PLCG2: variants seen among roughly 807,000 people sequenced by gnomAD.
PLCG2 encodes phospholipase C gamma 2, also known as 1-phosphatidylinositol 4,5-bisphosphate phosphodiesterase gamma-2.
In PLCG2, 69 loss-of-function variants were observed where a neutral mutation model predicts 175.6. That is an observed-to-expected ratio of 0.39 (90% CI 0.32 to 0.48). The LOEUF (loss-of-function observed/expected upper bound fraction) is 0.48. Among genes scored for constraint, PLCG2 ranks in the 20% least tolerant of loss-of-function variants. PLCG2 has a pLI of 0.91. For synonymous variants in PLCG2, 827 were observed against 624.0 expected, an observed-to-expected ratio of 1.33 and a Z score of -4.85; for missense variants, 1,798 against 1,650.9, an observed-to-expected ratio of 1.09 and a Z score of -1.54.
intron 20 of PLCG2, among the ~76,000 whole-genome samples, chr16:81,919,908 G>A (rs1909992685): frequency 6.6e-6 from 1 of 152,172 alleles, no homozygotes; most frequent in Non-Finnish European, 1.5e-5. Context: ...TGAGTGCTAT[G>A]GAGAAAAACA....
chr16:81,786,290 T>G, intron 2 of PLCG2, 108 bp downstream of exon 2: 1 of 886,064 alleles, frequency 1.1e-6, no homozygotes, highest in Non-Finnish European at 1.7e-6. Flanking sequence ...TGGTTTGATG[T>G]GTTCTTTTAT....
At chr16:81,933,397 C>G (rs930352386) in intron 25 of PLCG2, among the ~76,000 whole-genome samples, 1 of 152,178 alleles carries the variant, frequency 6.6e-6, no homozygotes, top group Non-Finnish European at 1.5e-5. Flanking sequence ...CTGCCTGTCC[C>G]TAAGTGCCCG....
intron 3 of PLCG2, among the ~76,000 whole-genome samples, chr16:81,855,041 C>A (rs887372422): frequency 6.6e-6 from 1 of 151,868 alleles, no homozygotes; most frequent in Non-Finnish European, 1.5e-5. Context: ...GAAACCCTGT[C>A]TCTACTAAAA....
rs532567900 is a variant in PLCG2, at chr16:81,789,851, C to G, written c.193+3669C>G. On this transcript the variant is annotated intron_variant, in intron 2 of 32. Coordinates refer to ENST00000564138, the MANE Select transcript of PLCG2 (RefSeq NM_002661.5). ...CCTTCCCTTCCCACCTTTGCCCCCC[C>G]TCCATTGCCTCCCCTCTGTCATTTG... Among the ~76,000 whole-genome samples the G allele has an allele frequency of 6.8e-4, 103 of 151,792 alleles. 3 individuals are homozygous for G. The South Asian group carries it at 0.019, about 28-fold the overall frequency.
chr16:81,830,479 G>C (rs1304716272), intron 2 of PLCG2, among the ~76,000 whole-genome samples: 1 of 151,888 alleles, frequency 6.6e-6, no homozygotes, highest in Non-Finnish European at 1.5e-5. Context: ...GCTAATTTTT[G>C]TATTTTTATT....
At chr16:81,875,644 C>G (rs1405494524) in intron 7 of PLCG2, among the ~76,000 whole-genome samples, 1 of 152,140 alleles carries the variant, frequency 6.6e-6, no homozygotes, top group Non-Finnish European at 1.5e-5. Context: ...AGGTCATCTG[C>G]CAATACTGTA....
chr16:81,956,655 G>A (rs1911580192), intron 31 of PLCG2, 40 bp from the exon 32 acceptor site: 6 of 1,573,164 alleles, frequency 3.8e-6, no homozygotes, highest in Non-Finnish European at 4.3e-6. Context: ...TTTGGAAGGT[G>A]TAGTCACCAC....
At chr16:81,781,280 C>T (rs75373243) in intron 1 of PLCG2, among the ~76,000 whole-genome samples, 1 of 152,140 alleles carries the variant, frequency 6.6e-6, no homozygotes, top group Non-Finnish European at 1.5e-5. Context: ...TTTTTATTGA[C>T]CTCACAAATC....
intron 2 of PLCG2, among the ~76,000 whole-genome samples, chr16:81,829,693 C>A (rs557994158): frequency 5.3e-5 from 8 of 152,158 alleles, no homozygotes; most frequent in Non-Finnish European, 1.0e-4. Context: ...TTGTTTATTT[C>A]CATCGATATG....
chr16:81,878,547 C>T (rs1021350678), intron 7 of PLCG2, among the ~76,000 whole-genome samples: 1 of 152,148 alleles, frequency 6.6e-6, no homozygotes, highest in Non-Finnish European at 1.5e-5. Flanking sequence ...TTTATCTGCC[C>T]CCTTTAAAGT....
At chr16:81,854,422 G>C (rs377104277) in intron 2 of PLCG2, 22 bp from the exon 3 acceptor site, 15 of 1,611,852 alleles carry the variant, frequency 9.3e-6, no homozygotes, top group Non-Finnish European at 1.3e-5. Context: ...CTTCTAATTG[G>C]CTCATGTTAA....
chr16:81,925,500 A>C (rs1910225800), intron 22 of PLCG2, among the ~76,000 whole-genome samples: 1 of 152,178 alleles, frequency 6.6e-6, no homozygotes, highest in Non-Finnish European at 1.5e-5. Context: ...TGTCTCTGCT[A>C]GGTGAATTGG....
At chr16:81,846,225 G>T (rs572074034) in intron 2 of PLCG2, among the ~76,000 whole-genome samples, 5 of 58,326 alleles carry the variant, frequency 8.6e-5, no homozygotes, top group Admixed American at 1.8e-4. Flanking sequence ...CTGACTGGCA[G>T]GGAGGACAAG....
intron 2 of PLCG2, among the ~76,000 whole-genome samples, chr16:81,801,405 C>T (rs186748723): frequency 1.3e-5 from 2 of 152,206 alleles, no homozygotes; most frequent in Admixed American, 1.3e-4. Flanking sequence ...GGTGTGTATC[C>T]CTCAAGCAAC....
intron 2 of PLCG2, among the ~76,000 whole-genome samples, chr16:81,757,401 T>C (rs1215071008): frequency 6.6e-6 from 1 of 152,060 alleles, no homozygotes; most frequent in Non-Finnish European, 1.5e-5. Flanking sequence ...CCGTCTCTAC[T>C]AAAAATATAA....
chr16:81,824,692 C>G (rs570299522), intron 2 of PLCG2, among the ~76,000 whole-genome samples: 3 of 152,216 alleles, frequency 2.0e-5, no homozygotes, highest in South Asian at 2.1e-4. Context: ...GGGATCCTCT[C>G]GTAGCTGCCA....
intron 2 of PLCG2, among the ~76,000 whole-genome samples, chr16:81,824,587 G>C (rs780152865): frequency 6.6e-6 from 1 of 152,198 alleles, no homozygotes; most frequent in African/African-American, 2.4e-5. Flanking sequence ...CATGTTCCTC[G>C]TGTGCCACAC....
intron 25 of PLCG2, among the ~76,000 whole-genome samples, chr16:81,932,047 G>C (rs1910524813): frequency 6.6e-6 from 1 of 152,206 alleles, no homozygotes; most frequent in African/African-American, 2.4e-5. Context: ...GAGCTCACCT[G>C]CCTGGAGCTG....
chr16:81,951,486 CTTAGT>C (rs1227695925), intron 31 of PLCG2, among the ~76,000 whole-genome samples: 1 of 147,520 alleles, frequency 6.8e-6, no homozygotes, highest in Non-Finnish European at 1.5e-5. Flanking sequence ...GGTTTTATAG[CTTAGT>C]TTTGTCTTCA....
Sources: allele counts gnomAD v4.1 joint callset (sites outside exome capture counted in the v4.1 genomes callset), GRCh38; gene constraint gnomAD v4.1.1; transcripts MANE v1.5; gene names NCBI Gene and HGNC (gene_info 2026-07-23, HGNC 2026-07-21).